PHF1: variants seen among roughly 807,000 people sequenced by gnomAD.
PHF1 encodes the protein PHD finger protein 1.
In PHF1, 16 loss-of-function variants were observed where a neutral mutation model predicts 69.4. That is an observed-to-expected ratio of 0.23 (90% CI 0.16 to 0.35). The LOEUF (loss-of-function observed/expected upper bound fraction) is 0.35, where lower values mean the gene tolerates loss of function less well. PHF1 is among the 10% of genes least tolerant of loss of function. PHF1 has a pLI of 1.00. For missense variants in PHF1, 515 were observed against 732.8 expected (o/e 0.70, Z 3.43); for synonymous variants, 274 against 275.0 (o/e 1.00, Z 0.04).
At position 33,416,367 on chromosome 6, in the gene PHF1, G is replaced by C. The variant is rs1262619887; in HGVS notation, c.*269G>C. Reference sequence around the variant, plus strand: ...TTTTTAAAATTATTTAACCCCTGGGGGCAGAGACTGAGGAGGGAGGATGAT... The same window carrying C: ...TTTTTAAAATTATTTAACCCCTGGGCGCAGAGACTGAGGAGGGAGGATGAT... On this transcript the variant is annotated 3_prime_UTR_variant, in exon 15 of 15. Transcript: ENST00000374516. 2.1e-6 allele frequency: 1 copy of C among 478,890 alleles called. No homozygotes were observed. Among genetic ancestry groups the C allele is most frequent in the Non-Finnish European group, 3.7e-6 (1 of 271,678 alleles). The allele number at this position is 478,890 out of a possible 1,614,324, so 29.7% of individuals were successfully genotyped here.
In PHF1 at chr6:33,414,542, C is replaced by T. The variant is rs768508950; in HGVS notation, c.942C>T (p.Asp314=). The change falls in exon 10 of 15, where the codon GAC becomes GAT. Residue 314 remains aspartate, a splice_region_variant and synonymous_variant. Transcript: ENST00000374516. This position sits in a 1 kb window ranked among gnomAD's most constrained non-coding sequence, Gnocchi z 5.0. ...TCTCTGCTCTTAACAGCCACAAGGA[C>T]CGGTGAGTTGGAGGGAAGAGGAGGC... ...RLLSALNSHK[D]RFISGREIKK... 1 of 1,613,626 alleles carries T rather than the reference C, an allele frequency of 6.2e-7. No homozygotes were observed. Among genetic ancestry groups the T allele is most frequent in the East Asian group, 2.2e-5 (1 of 44,872 alleles).
Position 33,413,187 on chromosome 6 carries a change from T to C in PHF1, c.338-9T>C, listed in dbSNP as rs1407784946. 1.4e-5 allele frequency: 22 copies of C among 1,611,432 alleles called. No homozygotes were observed. Among genetic ancestry groups the C allele is most frequent in the Non-Finnish European group, 1.7e-5 (20 of 1,177,762 alleles). Reference sequence around the variant, plus strand: ...GTATGCAATAAGTGGTCTACTATTATCACTGCAGCTTATCACCAGGACTGC... The same window carrying C: ...GTATGCAATAAGTGGTCTACTATTACCACTGCAGCTTATCACCAGGACTGC... On this transcript the variant is annotated splice_polypyrimidine_tract_variant and intron_variant, in intron 4 of 14. Transcript: ENST00000374516.
Position 33,415,272 on chromosome 6 carries a change from G to A in PHF1, c.1277G>A (p.Ser426Asn). Reference protein sequence around the residue: ...VSPPSPSPNQSYQGSSGYNFR... With the variant: ...VSPPSPSPNQNYQGSSGYNFR... The stretch of plus-strand genomic sequence containing the variant: ...CCACCATCCCCCAGCCCTAACCAGA[G>A]TTACCAGGGCAGCAGCGGCTACAAC... The change falls in exon 13 of 15, where the codon AGT becomes AAT. Residue 426 changes from serine to asparagine, a missense_variant. Physicochemically the swap from Ser to Asn is conservative, Grantham distance 46. Around this residue, in one of 5 missense-constraint regions of PHF1, gnomAD observed 274 missense variants for 304.5 expected, o/e 0.90. Transcript: ENST00000374516. The A allele has an allele frequency of 6.2e-7, 1 of 1,613,892 alleles. No individual in the cohort carries two copies. Among genetic ancestry groups the A allele is most frequent in the East Asian group, 2.2e-5 (1 of 44,876 alleles).
chr6:33,415,202 G>A lies in PHF1; in HGVS notation c.1240-33G>A, dbSNP rs531039830. The A allele has an allele frequency of 3.7e-6, 6 of 1,613,166 alleles. No homozygotes were observed. The South Asian group carries it at 5.5e-5, about 15-fold the overall frequency. Reference sequence around the variant, plus strand: ...TGGTGGGGTGTGGGAAGGAGTCAAGGATTATCTCTCAGTCCTTTGCCCCCT... The same window carrying A: ...TGGTGGGGTGTGGGAAGGAGTCAAGAATTATCTCTCAGTCCTTTGCCCCCT... On this transcript the variant is annotated intron_variant, in intron 12 of 14. Transcript: ENST00000374516.
intron 1 of PHF1, among the ~76,000 whole-genome samples, chr6:33,411,501 G>T (rs1776059624): frequency 1.3e-5 from 2 of 152,214 alleles, no homozygotes; most frequent in Admixed American, 6.5e-5. Context: ...GCAGGCCTGG[G>T]GAGACAGCCG....
Position 33,414,458 on chromosome 6 carries a change from T to A in PHF1, c.877-19T>A, listed in dbSNP as rs773189516. On this transcript the variant is annotated intron_variant, in intron 9 of 14. Coordinates refer to ENST00000374516, the MANE Select transcript of PHF1 (RefSeq NM_024165.3). This position sits in a 1 kb window ranked among gnomAD's most constrained non-coding sequence, Gnocchi z 5.0. ...GAAATCACTGCTCCCCTGGCCCCATTTTTCTTCATTTCTCCCAGCTTTCAG... is the reference window on the plus strand; with the variant it reads ...GAAATCACTGCTCCCCTGGCCCCATATTTCTTCATTTCTCCCAGCTTTCAG... 1 of 1,613,852 alleles carries A rather than the reference T, an allele frequency of 6.2e-7. No homozygotes were observed. Among genetic ancestry groups the A allele is most frequent in the Non-Finnish European group, 8.5e-7 (1 of 1,179,828 alleles).
Position 33,412,329 on chromosome 6 carries a change from T to C in PHF1, c.66T>C (p.Ala22=). Residue 22 remains alanine, a synonymous_variant, in exon 2 of 15, where the codon GCT becomes GCC. Transcript: ENST00000374516. The surrounding 1 kb of genome is among the most constrained non-coding windows in gnomAD (Gnocchi z 4.2). ...ASSLWDPASP[A]PTSGPRPRLW... is the part of the protein sequence containing the mutation. ...CACTTTGGGACCCAGCTTCTCCTGC[T>C]CCCACCTCTGGCCCCAGGCCTCGGC... is the stretch of plus-strand genomic sequence containing the variant. The C allele has an allele frequency of 6.2e-7, 1 of 1,614,174 alleles. No homozygotes were observed. The highest frequency in any genetic ancestry group is 8.5e-7 in the Non-Finnish European group (1 of 1,180,020).
In PHF1 at chr6:33,415,062, AGCT is replaced by A; in HGVS notation, c.1159_1161del (p.Leu387del). 6.2e-7 allele frequency: 1 copy of A among 1,607,664 alleles called. No homozygotes were observed. Among genetic ancestry groups the A allele is most frequent in the Non-Finnish European group, 8.5e-7 (1 of 1,177,150 alleles). ...AGGAGGCAGAAGGGGAAAGTGGAGGAGCTGGGGCCACCCTCAGCAGTGCGCAAT... is the reference window on the plus strand; with the variant it reads ...AGGAGGCAGAAGGGGAAAGTGGAGGAGGGGCCACCCTCAGCAGTGCGCAAT... On this transcript the variant is annotated inframe_deletion, in exon 12 of 15. Transcript: ENST00000374516.
Position 33,415,158 on chromosome 6 carries a change from G to A in PHF1, c.1239+14G>A. 1 of 1,613,716 alleles carries A rather than the reference G, an allele frequency of 6.2e-7. No homozygotes were observed. Among genetic ancestry groups the A allele is most frequent in the Non-Finnish European group, 8.5e-7 (1 of 1,179,730 alleles). ...AGGGCACTGCAGGTACTGGAGCAGG[G>A]GGAACCCGATGGAGCAAATGGTGGG... On this transcript the variant is annotated intron_variant, in intron 12 of 14. Transcript: ENST00000374516.
Position 33,414,562 on chromosome 6 carries a change from G to C in PHF1, c.944+18G>C. ...AAGGACCGGTGAGTTGGAGGGAAGA[G>C]GAGGCAAGGATGAGGCTCGGAAAGA... On this transcript the variant is annotated intron_variant, in intron 10 of 14. Coordinates refer to ENST00000374516, the MANE Select transcript of PHF1 (RefSeq NM_024165.3). This position sits in a 1 kb window ranked among gnomAD's most constrained non-coding sequence, Gnocchi z 5.0. The C allele has an allele frequency of 6.2e-7, 1 of 1,612,972 alleles. No individual in the cohort carries two copies. The highest frequency in any genetic ancestry group is 1.1e-5 in the South Asian group (1 of 91,066).
At position 33,415,583 on chromosome 6, in the gene PHF1, A is replaced by C; in HGVS notation, c.1335-7A>C. Reference sequence around the variant, plus strand: ...TCAGGTCCTGACTTTCCCCACTCCAACCCCAGCAGCCCCATCCGGATGTTT... The same window carrying C: ...TCAGGTCCTGACTTTCCCCACTCCACCCCCAGCAGCCCCATCCGGATGTTT... On this transcript the variant is annotated splice_polypyrimidine_tract_variant and splice_region_variant and intron_variant, in intron 13 of 14. Coordinates refer to ENST00000374516, the MANE Select transcript of PHF1 (RefSeq NM_024165.3). 1 of 1,613,362 alleles carries C rather than the reference A, an allele frequency of 6.2e-7. No individual in the cohort carries two copies. The highest frequency in any genetic ancestry group is 8.5e-7 in the Non-Finnish European group (1 of 1,179,786).
At position 33,413,727 on chromosome 6, in the gene PHF1, C is replaced by G. The variant is rs1243737049; in HGVS notation, c.588-9C>G. 2 of 1,611,910 alleles carry G rather than the reference C, an allele frequency of 1.2e-6. No homozygotes were observed. Among genetic ancestry groups the G allele is most frequent in the Admixed American group, 3.3e-5 (2 of 59,850 alleles). On this transcript the variant is annotated splice_polypyrimidine_tract_variant and intron_variant, in intron 6 of 14. Transcript: ENST00000374516. ...TTCTGGAGGCCAGAAGTCCTGTGTT[C>G]CCCCTCAGGTGGAACCTGAAAATGC...
Position 33,415,888 on chromosome 6 carries a change from C to T in PHF1, c.1494C>T (p.Ser498=), listed in dbSNP as rs777423175. 6.2e-6 allele frequency: 10 copies of T among 1,612,886 alleles called. No homozygotes were observed. Among genetic ancestry groups the T allele is most frequent in the African/African-American group, 4.0e-5 (3 of 74,918 alleles). ...CCCACTCGATGACTGCCTCATCTTC[C>T]TCAGTTTCATCCCCATCCCCAGGTC... ...SAPHSMTASS[S]SVSSPSPGLP... The change falls in exon 15 of 15, where the codon TCC becomes TCT. Residue 498 remains serine, a synonymous_variant. Transcript: ENST00000374516.
Position 33,416,212 on chromosome 6 carries a change from A to G in PHF1, c.*114A>G, listed in dbSNP as rs1428309171. 1.3e-5 allele frequency: 12 copies of G among 891,528 alleles called. No homozygotes were observed. The highest frequency in any genetic ancestry group is 1.8e-5 in the Non-Finnish European group (11 of 621,066). 55.2% of individuals were successfully genotyped at this position (891,528 alleles called of 1,614,324 possible). A position where few individuals can be genotyped will look rare whatever the true frequency, so the allele number is the denominator to read the frequency against. The stretch of plus-strand genomic sequence containing the variant: ...GGAGAGATAGGGGGTAGTTCTCCCT[A>G]CTGCCCAGGCTGGAATCCAAGAGTG... On this transcript the variant is annotated 3_prime_UTR_variant, in exon 15 of 15. Coordinates refer to ENST00000374516, the MANE Select transcript of PHF1 (RefSeq NM_024165.3).
Position 33,412,305 on chromosome 6 carries a change from A to G in PHF1, c.42A>G (p.Ser14=). Residue 14 remains serine, a synonymous_variant, in exon 2 of 15, where the codon TCA becomes TCG. Coordinates refer to ENST00000374516, the MANE Select transcript of PHF1 (RefSeq NM_024165.3). The surrounding 1 kb of genome is among the most constrained non-coding windows in gnomAD (Gnocchi z 4.2). ...GGCTGAGCCGCTCTGGTGCCTCCTC[A>G]CTTTGGGACCCAGCTTCTCCTGCTC... is the stretch of plus-strand genomic sequence containing the variant. ...PPRLSRSGAS[S]LWDPASPAPT... The G allele has an allele frequency of 6.2e-7, 1 of 1,613,914 alleles. No individual in the cohort carries two copies. Among genetic ancestry groups the G allele is most frequent in the African/African-American group, 1.3e-5 (1 of 74,940 alleles).
At chr6:33,411,639 C>G (rs1397417244) in intron 1 of PHF1, among the ~76,000 whole-genome samples, 1 of 151,798 alleles carries the variant, frequency 6.6e-6, no homozygotes, top group Non-Finnish European at 1.5e-5. Flanking sequence ...CCTAAAATTT[C>G]AAGGCCAGTA....
Position 33,414,208 on chromosome 6 carries a change from A to G in PHF1, c.753-35A>G. The G allele has an allele frequency of 6.2e-7, 1 of 1,613,904 alleles. No homozygotes were observed. Among genetic ancestry groups the G allele is most frequent in the Non-Finnish European group, 8.5e-7 (1 of 1,179,912 alleles). ...CCTCAGGACTCCCCTGGCTCTTAAA[A>G]TGCCTCTGTGGTCTTGAAAACTTTG... On this transcript the variant is annotated intron_variant, in intron 8 of 14. Transcript: ENST00000374516. This position sits in a 1 kb window ranked among gnomAD's most constrained non-coding sequence, Gnocchi z 5.0.
In PHF1 at chr6:33,412,352, G is replaced by T. The variant is rs764053763; in HGVS notation, c.89G>T (p.Arg30Leu). ...SPAPTSGPRP[R>L]LWEGQDVLAR... is the part of the protein sequence containing the mutation. ...GCTCCCACCTCTGGCCCCAGGCCTC[G>T]GCTTTGGGAGGGTCAAGATGTGCTG... The change falls in exon 2 of 15, where the codon CGG (arginine) becomes CTG (leucine). Residue 30 changes from arginine to leucine, a missense_variant. Arg to Leu is a moderately radical substitution (Grantham distance 102). This residue lies in a region of PHF1 where 52 missense variants were observed against 48.2 expected (regional missense o/e 1.08). Transcript: ENST00000374516. The surrounding 1 kb of genome is among the most constrained non-coding windows in gnomAD (Gnocchi z 4.2). 2 of 1,614,160 alleles carry T rather than the reference G, an allele frequency of 1.2e-6. No homozygotes were observed. The highest frequency in any genetic ancestry group is 3.3e-5 in the Admixed American group (2 of 60,030).
In PHF1 at chr6:33,412,723, C is replaced by G. The variant is rs202209041; in HGVS notation, c.267C>G (p.Leu89=). ...SPAALPGEEL[L]CCVCRSETVV... The stretch of plus-strand genomic sequence containing the variant: ...CTGCCCTCCCTGGAGAGGAACTCCT[C>G]TGTTGTGTCTGTCGCTCTGAGACTG... The change falls in exon 4 of 15, where the codon CTC becomes CTG. Residue 89 remains leucine (L), a synonymous_variant. Coordinates refer to ENST00000374516, the MANE Select transcript of PHF1 (RefSeq NM_024165.3). The surrounding 1 kb of genome is among the most constrained non-coding windows in gnomAD (Gnocchi z 4.2). 29 of 1,614,174 alleles carry G rather than the reference C, an allele frequency of 1.8e-5. No individual in the cohort carries two copies. Among genetic ancestry groups the G allele is most frequent in the Non-Finnish European group, 2.4e-5 (28 of 1,180,002 alleles).
Sources: allele counts gnomAD v4.1 joint callset (sites outside exome capture counted in the v4.1 genomes callset), GRCh38; gene constraint gnomAD v4.1.1; regional missense constraint gnomAD v4.1.1; non-coding constraint Gnocchi (gnomAD v3.1); transcripts MANE v1.5; gene names NCBI Gene and HGNC (gene_info 2026-07-23, HGNC 2026-07-21).